The following NISCH variants were observed in gnomAD, a reference collection of about 807,000 sequenced individuals.
NISCH encodes the protein nischarin.
NISCH carries 55 observed loss-of-function variants against 138.4 expected under a neutral mutation model. That is an observed-to-expected ratio of 0.40 (90% CI 0.32 to 0.50). NISCH has a LOEUF of 0.50. Ranked by LOEUF, NISCH falls within the 20% of genes least tolerant of loss-of-function variation. NISCH has a pLI of 0.71. For missense variants in NISCH, 1,643 were observed against 2,005.5 expected (o/e 0.82, Z 3.45); for synonymous variants, 860 against 861.5 (o/e 1.00, Z 0.03).
At chr3:52,462,611 C>G (rs779456135) in intron 3 of NISCH, among the ~76,000 whole-genome samples, 15 of 152,230 alleles carry the variant, frequency 9.9e-5, no homozygotes, top group Admixed American at 5.2e-4. Flanking sequence ...ACCCAGGGAA[C>G]CCTATTTGGC....
At chr3:52,471,472 C>T (rs949701253) in intron 4 of NISCH, 51 of 389,602 alleles carry the variant, frequency 1.3e-4, no homozygotes, top group Non-Finnish European at 2.1e-4. Context: ...GTTTGCATTT[C>T]GGAGGTTGCA....
chr3:52,485,780 A>AG lies in NISCH; in HGVS notation c.1657dup (p.Ala553GlyfsTer4). On this transcript the variant is annotated frameshift_variant, in exon 15 of 21. Coordinates refer to ENST00000345716, the MANE Select transcript of NISCH (RefSeq NM_007184.4). LOFTEE classifies it high-confidence loss of function. ...GACTGTGTTTCTTTCTCCATCAGGCAGCTTCCGATGATTTAAGGGACGTGC... is the reference window on the plus strand; with the variant it reads ...GACTGTGTTTCTTTCTCCATCAGGCAGGCTTCCGATGATTTAAGGGACGTGC... 1 of 1,580,720 alleles carries AG rather than the reference A, an allele frequency of 6.3e-7. No homozygotes were observed. Among genetic ancestry groups the AG allele is most frequent in the Non-Finnish European group, 8.6e-7 (1 of 1,161,876 alleles).
At chr3:52,484,462 T>TTGGGGCCCC in intron 13 of NISCH, 51 bp from the exon 14 acceptor site, 47 of 788,666 alleles carry the variant, frequency 6.0e-5, no homozygotes, top group Non-Finnish European at 7.9e-5. Context: ...ACAGCCGCTC[T>TTGGGGCCCC]CCCCGCCCCA....
rs1373590180 is a variant in NISCH, at chr3:52,487,772, C to T, written c.2280C>T (p.Val760=). The part of the protein sequence containing the change: ...SQHILSSLRF[V]FCFPHGDLTE... ...ACATCCTCTCCTCCCTGCGCTTTGT[C>T]TTTTGCTTCCCGCATGGCGACCTCA... The change falls in exon 16 of 21, where the codon GTC becomes GTT. Residue 760 remains valine, a synonymous_variant. Transcript: ENST00000345716. This position sits in a 1 kb window ranked among gnomAD's most constrained non-coding sequence, Gnocchi z 9.1. The T allele has an allele frequency of 1.2e-6, 2 of 1,613,826 alleles. No homozygotes were observed. Among genetic ancestry groups the T allele is most frequent in the South Asian group, 1.1e-5 (1 of 91,078 alleles).
chr3:52,457,833 C>T lies in NISCH; in HGVS notation c.94-10C>T. 1 of 1,603,232 alleles carries T rather than the reference C, an allele frequency of 6.2e-7. No homozygotes were observed. The highest frequency in any genetic ancestry group is 8.5e-7 in the Non-Finnish European group (1 of 1,171,138). ...CCCTTGCCACAAGGGCTGTTGGTTT[C>T]CCCTTTTAGGTTTACATCATCCAGG... On this transcript the variant is annotated splice_polypyrimidine_tract_variant and intron_variant, in intron 1 of 20. Coordinates refer to ENST00000345716, the MANE Select transcript of NISCH (RefSeq NM_007184.4).
chr3:52,476,571 A>G lies in NISCH; in HGVS notation c.890A>G (p.Asn297Ser). Residue 297 changes from asparagine to serine, a missense_variant, in exon 8 of 21, where the codon AAC (asparagine) becomes AGC (serine). Transcript: ENST00000345716. ...QALTTLDLSH[N>S]SVSEIDESVK... Reference sequence around the variant, plus strand: ...TTGACCACGCTTGACCTGAGCCACAACAGCGTCTCCGAGATCGACGAGTCT... The same window carrying G: ...TTGACCACGCTTGACCTGAGCCACAGCAGCGTCTCCGAGATCGACGAGTCT... The G allele has an allele frequency of 1.9e-6, 3 of 1,614,122 alleles. No individual in the cohort carries two copies. The highest frequency in any genetic ancestry group is 2.5e-6 in the Non-Finnish European group (3 of 1,180,018).
rs765256632 is a variant in NISCH, at chr3:52,470,836, G to T, written c.361-23G>T. 56 of 1,613,714 alleles carry T rather than the reference G, an allele frequency of 3.5e-5. No homozygotes were observed. The Middle Eastern group carries it at 8.2e-4, about 24-fold the overall frequency. ...ACTGGGGTCAGGTGGACTTTCTAAG[G>T]GCAAATTTTGTGTTCTCTGCAGGAG... On this transcript the variant is annotated intron_variant, in intron 3 of 20. Coordinates refer to ENST00000345716, the MANE Select transcript of NISCH (RefSeq NM_007184.4).
chr3:52,484,620 T>G lies in NISCH; in HGVS notation c.1636T>G (p.Ser546Ala). 6.2e-7 allele frequency: 1 copy of G among 1,613,848 alleles called. No individual in the cohort carries two copies. The highest frequency in any genetic ancestry group is 8.5e-7 in the Non-Finnish European group (1 of 1,179,982). Residue 546 changes from serine (S) to alanine (A), a missense_variant, in exon 14 of 21, where the codon TCC becomes GCC. By Grantham distance (99) the Ser-to-Ala change is moderately conservative. Transcript: ENST00000345716. ...IAQGCSDSLE[S>A]IPAGQAASDD... ...CCAGGGATGTTCTGATTCCTTGGAG[T>G]CCATCCCTGCGGGACAGGTAATGCC...
intron 3 of NISCH, among the ~76,000 whole-genome samples, chr3:52,466,416 T>A (rs1486535493): frequency 2.6e-5 from 4 of 151,862 alleles, no homozygotes; most frequent in Non-Finnish European, 5.9e-5. Flanking sequence ...ATACAAAAAA[T>A]TAGCCAGGCA....
intron 4 of NISCH, 38 bp from the exon 5 acceptor site, chr3:52,471,776 C>T (rs759384957): frequency 8.1e-6 from 13 of 1,611,380 alleles, no homozygotes; most frequent in South Asian, 6.6e-5. Context: ...GCTGGGGCTG[C>T]GGCTGGACAC....
In NISCH at chr3:52,492,838, CTGTTG is replaced by C; in HGVS notation, c.*357_*361del. The C allele has an allele frequency of 4.0e-6, 1 of 250,174 alleles. No homozygotes were observed. Among genetic ancestry groups the C allele is most frequent in the Non-Finnish European group, 7.7e-6 (1 of 130,352 alleles). 15.5% of individuals were successfully genotyped at this position (250,174 alleles called of 1,614,324 possible). ...CGAGTCCAGTCCTTTGTTGCTGTTG[CTGTTG>C]CTGTTGCTGTTGCTGTTGCTGTTGG... On this transcript the variant is annotated 3_prime_UTR_variant, in exon 21 of 21. Transcript: ENST00000345716.
Position 52,471,866 on chromosome 3 carries a change from G to A in NISCH, c.462G>A (p.Leu154=), listed in dbSNP as rs1706958897. The A allele has an allele frequency of 6.2e-7, 1 of 1,613,910 alleles. No individual in the cohort carries two copies. The highest frequency in any genetic ancestry group is 8.5e-7 in the Non-Finnish European group (1 of 1,179,948). The change falls in exon 5 of 21, where the codon CTG becomes CTA. Residue 154 remains leucine, a synonymous_variant. Transcript: ENST00000345716. ...TCTTTGCCATTGGACCCCTGCAGCT[G>A]TATGCCGTCACGGAGCAGCTGCAGC... The part of the protein sequence containing the change: ...GEVFAIGPLQ[L]YAVTEQLQQG...
chr3:52,483,500 G>A (rs1707329395), intron 13 of NISCH, among the ~76,000 whole-genome samples: 1 of 152,234 alleles, frequency 6.6e-6, no homozygotes, highest in South Asian at 2.1e-4. Flanking sequence ...TGGAGTAACA[G>A]GTCCAGATAG....
chr3:52,487,142 GAGGT>G lies in NISCH; in HGVS notation c.1704-53_1704-50del. On this transcript the variant is annotated intron_variant, in intron 15 of 20. Transcript: ENST00000345716. The surrounding 1 kb of genome is among the most constrained non-coding windows in gnomAD (Gnocchi z 9.1). ...AGTGGGCTCCAGATGTGGCAGGTGG[GAGGT>G]GGGAGGGGCCCCTCCCAGCATGCCA... is the stretch of plus-strand genomic sequence containing the variant. 2 of 1,555,266 alleles carry G rather than the reference GAGGT, an allele frequency of 1.3e-6. No individual in the cohort carries two copies.
At chr3:52,460,702 G>C (rs1706608666) in intron 3 of NISCH, among the ~76,000 whole-genome samples, 1 of 152,096 alleles carries the variant, frequency 6.6e-6, no homozygotes, top group South Asian at 2.1e-4. Flanking sequence ...GCACCTGGCT[G>C]ACTATGGTCT....
intron 3 of NISCH, 32 bp from the exon 4 acceptor site, chr3:52,470,827 C>T (rs1199683093): frequency 6.2e-7 from 1 of 1,612,196 alleles, no homozygotes; most frequent in East Asian, 2.2e-5. Context: ...GTCAGGTGGA[C>T]TTTCTAAGGG....
rs138931419 is a variant in NISCH at position 52,466,519 on chromosome 3, C to T, written c.361-4340C>T. Among the ~76,000 whole-genome samples the T allele has an allele frequency of 1.4e-3, 213 of 148,934 alleles. 2 individuals are homozygous for T. The East Asian group carries it at 0.04, about 28-fold the overall frequency. On this transcript the variant is annotated intron_variant, in intron 3 of 20. Transcript: ENST00000345716. ...GGCGGAGGTTGTAGTGAGCCGAGATCGCGCCATTGCACTCAGCATGGGTGA... is the reference window on the plus strand; with the variant it reads ...GGCGGAGGTTGTAGTGAGCCGAGATTGCGCCATTGCACTCAGCATGGGTGA...
chr3:52,485,054 C>T (rs553773302), intron 14 of NISCH, among the ~76,000 whole-genome samples: 4 of 152,268 alleles, frequency 2.6e-5, no homozygotes, highest in African/African-American at 9.6e-5. Context: ...AGCCACTCGG[C>T]GCCTTTCCGC....
At chr3:52,474,391 G>C (rs1426796113) in intron 7 of NISCH, among the ~76,000 whole-genome samples, 1 of 152,100 alleles carries the variant, frequency 6.6e-6, no homozygotes, top group East Asian at 1.9e-4. Flanking sequence ...CTGCCTCCCG[G>C]GTTCACGCCA....
Sources: gnomAD v4.1 joint callset for allele counts (sites outside exome capture counted in the v4.1 genomes callset) on GRCh38, gnomAD v4.1.1 for gene constraint, Gnocchi (gnomAD v3.1) non-coding constraint, MANE v1.5 for transcripts, NCBI Gene and HGNC (gene_info 2026-07-23, HGNC 2026-07-21) for gene names.